The following BICRAL variants were observed in gnomAD, a reference collection of about 807,000 sequenced individuals.
The protein encoded by BICRAL is BICRA like chromatin remodeling complex associated protein, also known as BRD4-interacting chromatin-remodeling complex-associated protein-like.
Under a neutral mutation model 91.8 loss-of-function variants are expected in BICRAL, and 8 were observed. The ratio of observed to expected loss-of-function variants is 0.09; its 90% CI spans 0.05 to 0.16. The LOEUF (loss-of-function observed/expected upper bound fraction) is 0.16. Among genes scored for constraint, BICRAL ranks in the 10% least tolerant of loss-of-function variants. BICRAL has a pLI of 1.00. For missense variants in BICRAL, 1,038 were observed against 1,310.9 expected (o/e 0.79, Z 3.21); for synonymous variants, 445 against 491.1 (o/e 0.91, Z 1.24).
intron 1 of BICRAL, among the ~76,000 whole-genome samples, chr6:42,761,195 C>T (rs1762541785): frequency 6.6e-6 from 1 of 152,222 alleles, no homozygotes; most frequent in Non-Finnish European, 1.5e-5. Flanking sequence ...TGGCTCACGC[C>T]TGTAATCCCA....
rs113698174 is a variant in BICRAL, at chr6:42,747,805, G to T, written c.-261+782G>T. On this transcript the variant is annotated intron_variant, in intron 1 of 14. Coordinates refer to the BICRAL transcript ENST00000614467. ...TGTTTTTGCTTTTTTGTTTTATTTT[G>T]TTTTTTTTTTTTTTTTTTGAGACGG... Among the ~76,000 whole-genome samples the T allele has an allele frequency of 7.9e-3, 990 of 125,202 alleles. 3 individuals carry two copies. The highest frequency in any genetic ancestry group is 0.01 in the East Asian group (44 of 4,372). 82.1% of individuals were successfully genotyped at this position (125,202 alleles called of 152,430 possible). A position where few individuals can be genotyped will look rare whatever the true frequency, so the allele number is the denominator to read the frequency against.
intron 6 of BICRAL, among the ~76,000 whole-genome samples, chr6:42,841,575 A>G (rs1448128016): frequency 2.0e-5 from 3 of 152,000 alleles, no homozygotes; most frequent in Non-Finnish European, 4.4e-5. Flanking sequence ...TGCCTTCCTT[A>G]TGTGGAACCG....
intron 1 of BICRAL, among the ~76,000 whole-genome samples, chr6:42,788,971 G>A (rs919334918): frequency 2.0e-5 from 3 of 152,130 alleles, no homozygotes; most frequent in African/African-American, 4.8e-5. Context: ...CCCAAAATTC[G>A]TGTTTTGCCC....
intron 1 of BICRAL, among the ~76,000 whole-genome samples, chr6:42,753,330 C>T (rs980025537): frequency 2.6e-5 from 4 of 152,106 alleles, no homozygotes; most frequent in Non-Finnish European, 5.9e-5. Flanking sequence ...TTCCAAAGTG[C>T]TGGGATTACA....
At chr6:42,747,046 C>T (rs1214054663) in intron 1 of BICRAL, 1 of 152,336 alleles carries the variant, frequency 6.6e-6, no homozygotes, top group East Asian at 1.9e-4. Context: ...CCCCGGGCTC[C>T]GTGGCTCTCT....
At chr6:42,843,773 T>C (rs1764884317) in intron 6 of BICRAL, among the ~76,000 whole-genome samples, 1 of 150,494 alleles carries the variant, frequency 6.6e-6, no homozygotes, top group Non-Finnish European at 1.5e-5. Flanking sequence ...TGAGCTGAAA[T>C]GGGATTGATC....
At chr6:42,790,383 C>T (rs1177577068) in intron 1 of BICRAL, among the ~76,000 whole-genome samples, 2 of 146,600 alleles carry the variant, frequency 1.4e-5, no homozygotes, top group Non-Finnish European at 3.0e-5. Context: ...TCTTTGTCAC[C>T]CAGGCTGGCC....
At chr6:42,779,265 CACACACACAT>C (rs761458978), upstream of BICRAL, among the ~76,000 whole-genome samples, 33 of 141,636 alleles carry the variant, frequency 2.3e-4, no homozygotes, top group East Asian at 1.6e-3. Context: ...CACACACACA[CACACACACAT>C]ATCATTGGAG....
At chr6:42,764,372 C>T (rs992354632) in intron 1 of BICRAL, among the ~76,000 whole-genome samples, 4 of 147,010 alleles carry the variant, frequency 2.7e-5, no homozygotes, top group Admixed American at 6.9e-5. Flanking sequence ...GGCAACATGG[C>T]GTAACCTCGT....
chr6:42,849,597 G>A lies in BICRAL; in HGVS notation c.1840-2495G>A, dbSNP rs907135874. 9.2e-5 allele frequency among the ~76,000 whole-genome samples: 14 copies of A among 151,762 alleles called. No individual in the cohort carries two copies. The South Asian group carries it at 1.7e-3, about 18-fold the overall frequency. On this transcript the variant is annotated intron_variant, in intron 6 of 12. Transcript: ENST00000314073. ...TGGGGCTATAGGTGCCCACCACCAC[G>A]CCCAGCTAATTTTTTGTATTTTTAG...
chr6:42,789,534 C>G (rs1411896356), intron 1 of BICRAL, among the ~76,000 whole-genome samples: 1 of 151,276 alleles, frequency 6.6e-6, no homozygotes, highest in African/African-American at 2.4e-5. Context: ...CCCAGCTACT[C>G]AGGAGGCTGA....
chr6:42,770,945 G>A (rs1762710815), intron 1 of BICRAL, among the ~76,000 whole-genome samples: 1 of 152,148 alleles, frequency 6.6e-6, no homozygotes, highest in Non-Finnish European at 1.5e-5. Flanking sequence ...GCCTTACAAA[G>A]TGCTGGGATT....
intron 10 of BICRAL, among the ~76,000 whole-genome samples, chr6:42,857,666 A>G (rs2114032561): frequency 7.0e-6 from 1 of 143,226 alleles, no homozygotes; most frequent in Non-Finnish European, 1.5e-5. Context: ...ATGTCAGAGT[A>G]TTTTATTGAC....
At chr6:42,760,366 A>AAAAAAAAAAG (rs1292742939) in intron 1 of BICRAL, among the ~76,000 whole-genome samples, 8 of 151,772 alleles carry the variant, frequency 5.3e-5, no homozygotes, top group Non-Finnish European at 1.0e-4. Context: ...TACTAAAAAA[A>AAAAAAAAAAG]AAAAAAAAAG....
chr6:42,845,384 A>ATGGG lies in BICRAL; in HGVS notation c.1840-6708_1840-6707insTGGG, dbSNP rs1284975486. Among the ~76,000 whole-genome samples, 9 of 151,454 alleles carry ATGGG rather than the reference A, an allele frequency of 5.9e-5. No homozygotes were observed. In the East Asian group the frequency reaches 1.7e-3, roughly 29 times the overall value. On this transcript the variant is annotated intron_variant, in intron 6 of 12. Transcript: ENST00000314073. Reference sequence around the variant, plus strand: ...ATTACAAGCGTGAGCCACAGCGCCCAGCCTGCCTTCTCTGTGATTACCACA... The same window carrying ATGGG: ...ATTACAAGCGTGAGCCACAGCGCCCATGGGGCCTGCCTTCTCTGTGATTACCACA...
chr6:42,863,744 A>G (rs1050073240), intron 12 of BICRAL, among the ~76,000 whole-genome samples: 2 of 152,168 alleles, frequency 1.3e-5, no homozygotes, highest in Non-Finnish European at 2.9e-5. Flanking sequence ...AATAATACTT[A>G]GAGGCTGGGT....
intron 11 of BICRAL, among the ~76,000 whole-genome samples, chr6:42,861,000 C>T (rs919045404): frequency 1.3e-5 from 2 of 152,094 alleles, no homozygotes; most frequent in Non-Finnish European, 2.9e-5. Flanking sequence ...GTGGCGCATG[C>T]CTGTAATCCC....
At chr6:42,804,505 G>A (rs907141732) in intron 1 of BICRAL, among the ~76,000 whole-genome samples, 1 of 152,194 alleles carries the variant, frequency 6.6e-6, no homozygotes, top group Admixed American at 6.5e-5. Flanking sequence ...AAGAAAGGCA[G>A]TGTCATTTTA....
intron 5 of BICRAL, among the ~76,000 whole-genome samples, chr6:42,827,568 G>A (rs1764340225): frequency 6.6e-6 from 1 of 152,096 alleles, no homozygotes; most frequent in African/African-American, 2.4e-5. Context: ...GCATCATGTC[G>A]GTGTAGTAGC....
Sources: gnomAD v4.1 joint callset for allele counts (sites outside exome capture counted in the v4.1 genomes callset) on GRCh38, gnomAD v4.1.1 for gene constraint, MANE v1.5 for transcripts, NCBI Gene and HGNC (gene_info 2026-07-23, HGNC 2026-07-21) for gene names.